Variants in TBC1D4 observed in about 807,000 individuals in gnomAD.
TBC1D4 encodes the protein TBC1 domain family member 4.
In TBC1D4, 121 loss-of-function variants were observed where a neutral mutation model predicts 142.5. That is an observed-to-expected ratio of 0.85 (90% CI 0.73 to 0.99). TBC1D4 has a LOEUF of 0.99. TBC1D4 is among the 50% of genes least tolerant of loss of function. The pLI, the probability that TBC1D4 is intolerant of heterozygous loss-of-function variation, is 0.00. For synonymous variants in TBC1D4, 630 were observed against 628.2 expected, an observed-to-expected ratio of 1.00 and a Z score of -0.04; for missense variants, 1,475 against 1,606.6, an observed-to-expected ratio of 0.92 and a Z score of 1.40.
At chr13:75,446,928 C>T (rs1347270467) in intron 1 of TBC1D4, among the ~76,000 whole-genome samples, 1 of 152,014 alleles carries the variant, frequency 6.6e-6, no homozygotes, top group Non-Finnish European at 1.5e-5. Context: ...GCCAAGGAAG[C>T]ACCCTCAGCA....
chr13:75,301,887 G>C (rs942183985), intron 16 of TBC1D4, among the ~76,000 whole-genome samples: 2 of 152,116 alleles, frequency 1.3e-5, no homozygotes, highest in African/African-American at 4.8e-5. Flanking sequence ...CCTATTCTAA[G>C]CTATTTCAAA....
In TBC1D4 at chr13:75,284,267, C is replaced by G. The variant is rs1037959126; in HGVS notation, c.*2525G>C. Reference sequence around the variant, plus strand: ...CAATGATTCAAGCACATTTATTGTGCACTTTATTTCTATTATTATTATTAT... The same window carrying G: ...CAATGATTCAAGCACATTTATTGTGGACTTTATTTCTATTATTATTATTAT... On this transcript the variant is annotated 3_prime_UTR_variant, in exon 21 of 21. Coordinates refer to ENST00000377636, the MANE Select transcript of TBC1D4 (RefSeq NM_014832.5). 9.9e-5 allele frequency among the ~76,000 whole-genome samples: 15 copies of G among 152,194 alleles called. No homozygotes were observed. The highest frequency in any genetic ancestry group is 3.6e-4 in the African/African-American group (15 of 41,522).
intron 1 of TBC1D4, among the ~76,000 whole-genome samples, chr13:75,383,149 C>A (rs1185224346): frequency 6.6e-6 from 1 of 152,118 alleles, no homozygotes; most frequent in East Asian, 1.9e-4. Flanking sequence ...TAGTGAAATC[C>A]CATCTCTACC....
Position 75,362,438 on chromosome 13 carries a change from T to C in TBC1D4, c.668A>G (p.Asp223Gly). 4.3e-6 allele frequency: 7 copies of C among 1,614,232 alleles called. No individual in the cohort carries two copies. Among genetic ancestry groups the C allele is most frequent in the Non-Finnish European group, 5.9e-6 (7 of 1,180,046 alleles). ...CAGGCTGAACTTCTCCATGCAGTCA[T>C]CGATGAGGCTTGAGGGGGCCTTCTT... ...THKKAPSSLIDDCMEKFSLHE... is the reference protein window; with the variant it reads ...THKKAPSSLIGDCMEKFSLHE... The change falls in exon 2 of 21, where the codon GAT (aspartate) becomes GGT (glycine). Residue 223 changes from aspartate (D) to glycine (G), a missense_variant. Coordinates refer to ENST00000377636, the MANE Select transcript of TBC1D4 (RefSeq NM_014832.5). This position sits in a 1 kb window ranked among gnomAD's most constrained non-coding sequence, Gnocchi z 4.2.
At chr13:75,438,387 A>G (rs1239501333) in intron 1 of TBC1D4, among the ~76,000 whole-genome samples, 1 of 152,194 alleles carries the variant, frequency 6.6e-6, no homozygotes, top group African/African-American at 2.4e-5. Flanking sequence ...ACCCACCTTA[A>G]TAGCCCAGTC....
At chr13:75,418,045 A>G (rs1394132821) in intron 1 of TBC1D4, among the ~76,000 whole-genome samples, 36 of 152,216 alleles carry the variant, frequency 2.4e-4, no homozygotes, top group Admixed American at 2.3e-3. Flanking sequence ...TATACTTGTT[A>G]TTATTTTATT....
chr13:75,320,079 A>C (rs764806429), intron 11 of TBC1D4, 42 bp from the exon 12 acceptor site: 2 of 1,607,906 alleles, frequency 1.2e-6, no homozygotes, highest in Non-Finnish European at 1.7e-6. Context: ...AGCACACACA[A>C]ATATGTCCAA....
intron 7 of TBC1D4, among the ~76,000 whole-genome samples, chr13:75,340,640 T>A (rs535628117): frequency 6.6e-6 from 1 of 152,204 alleles, no homozygotes; most frequent in Non-Finnish European, 1.5e-5. Flanking sequence ...AATGTGTCAG[T>A]GCCTGCTCAA....
At chr13:75,299,790 A>G (rs1445422971) in intron 16 of TBC1D4, among the ~76,000 whole-genome samples, 2 of 148,678 alleles carry the variant, frequency 1.3e-5, no homozygotes, top group African/African-American at 5.0e-5. Flanking sequence ...ATATGGGAGG[A>G]AACATTTTAT....
At chr13:75,345,132 G>A (rs1360787523) in intron 5 of TBC1D4, among the ~76,000 whole-genome samples, 1 of 152,150 alleles carries the variant, frequency 6.6e-6, no homozygotes, top group African/African-American at 2.4e-5. Context: ...CCAAATCCTG[G>A]CTCTGCCCCT....
intron 12 of TBC1D4, among the ~76,000 whole-genome samples, chr13:75,315,788 T>C (rs1014051349): frequency 6.6e-6 from 1 of 152,198 alleles, no homozygotes; most frequent in African/African-American, 2.4e-5. Flanking sequence ...AAGATCTACC[T>C]TCTTAAAACC....
At chr13:75,456,423 A>T (rs1165687616) in intron 1 of TBC1D4, among the ~76,000 whole-genome samples, 1 of 152,230 alleles carries the variant, frequency 6.6e-6, no homozygotes, top group Non-Finnish European at 1.5e-5. Context: ...CTGAAAAAGG[A>T]CACATATCCA....
At chr13:75,423,088 A>T (rs1886234148) in intron 1 of TBC1D4, among the ~76,000 whole-genome samples, 1 of 152,192 alleles carries the variant, frequency 6.6e-6, no homozygotes. Context: ...TCTTAAGGGA[A>T]AAGTTTCCAA....
intron 1 of TBC1D4, among the ~76,000 whole-genome samples, chr13:75,394,087 G>C (rs1031823106): frequency 2.0e-5 from 3 of 152,116 alleles, no homozygotes; most frequent in Admixed American, 2.0e-4. Flanking sequence ...ATATGACTTG[G>C]TAATTATAAT....
intron 1 of TBC1D4, among the ~76,000 whole-genome samples, chr13:75,365,330 C>A (rs910620191): frequency 6.9e-6 from 1 of 144,608 alleles, no homozygotes; most frequent in East Asian, 1.9e-4. Flanking sequence ...AACAACAGCT[C>A]TGTTTTTTTT....
At chr13:75,437,658 A>G (rs1886856969) in intron 1 of TBC1D4, among the ~76,000 whole-genome samples, 1 of 151,916 alleles carries the variant, frequency 6.6e-6, no homozygotes, top group African/African-American at 2.4e-5. Flanking sequence ...ACCGATATAC[A>G]GTTTTTCAGA....
At chr13:75,355,490 T>G (rs987279397) in intron 4 of TBC1D4, among the ~76,000 whole-genome samples, 1 of 152,216 alleles carries the variant, frequency 6.6e-6, no homozygotes, top group Non-Finnish European at 1.5e-5. Flanking sequence ...GATGGGAATA[T>G]ATCTTTTAAT....
chr13:75,345,833 A>G (rs564138744), intron 5 of TBC1D4, among the ~76,000 whole-genome samples: 1 of 152,310 alleles, frequency 6.6e-6, no homozygotes, highest in East Asian at 1.9e-4. Flanking sequence ...TGTATAAGTG[A>G]TAGCTCCCCT....
intron 13 of TBC1D4, among the ~76,000 whole-genome samples, chr13:75,312,424 A>AAAAGAAAG (rs375132840): frequency 0.3 from 39,958 of 135,416 alleles, 7,074 homozygotes; most frequent in East Asian, 0.51. Context: ...GGGAAAAAAA[A>AAAAGAAAG]AAAGAAAGAA....
Sources: gnomAD v4.1 joint callset for allele counts (sites outside exome capture counted in the v4.1 genomes callset) on GRCh38, gnomAD v4.1.1 for gene constraint, Gnocchi (gnomAD v3.1) non-coding constraint, MANE v1.5 for transcripts, NCBI Gene and HGNC (gene_info 2026-07-23, HGNC 2026-07-21) for gene names.